The following PCDHA7 variants were observed in gnomAD, a reference collection of about 807,000 sequenced individuals.
The protein encoded by PCDHA7 is protocadherin alpha 7, also known as protocadherin alpha-7.
Under a neutral mutation model 57.2 loss-of-function variants are expected in PCDHA7, and 37 were observed. The ratio of observed to expected loss-of-function variants is 0.65; its 90% CI spans 0.50 to 0.85. The LOEUF (loss-of-function observed/expected upper bound fraction) is 0.85, where lower values mean the gene tolerates loss of function less well. Ranked by LOEUF, PCDHA7 falls within the 40% of genes least tolerant of loss-of-function variation. PCDHA7 has a pLI of 0.00. For synonymous variants in PCDHA7, 553 were observed against 558.8 expected, an observed-to-expected ratio of 0.99 and a Z score of 0.15; for missense variants, 1,188 against 1,241.8, an observed-to-expected ratio of 0.96 and a Z score of 0.65.
At position 140,850,397 on chromosome 5, in the gene PCDHA7, G is replaced by C. The variant is rs143469399; in HGVS notation, c.2355+13659G>C. ...TGTACACGGGCGAGATCAGCACAAC[G>C]CGTGCCCTGGACGAAACGGACGCAC... On this transcript the variant is annotated intron_variant, in intron 1 of 3. Transcript: ENST00000525929. 45 of 1,597,958 alleles carry C rather than the reference G, an allele frequency of 2.8e-5. 5 individuals are homozygous for C. In the African/African-American group the frequency reaches 5.4e-4, roughly 19 times the overall value.
At chr5:140,918,639 TGA>T (rs1554198713) in intron 1 of PCDHA7, among the ~76,000 whole-genome samples, 1 of 152,224 alleles carries the variant, frequency 6.6e-6, no homozygotes, top group East Asian at 1.9e-4. Context: ...ATTCATAAAT[TGA>T]AACCTAATTC....
intron 1 of PCDHA7, chr5:140,862,681 G>T: frequency 1.8e-6 from 1 of 551,660 alleles, no homozygotes. Context: ...GAACGTGCTG[G>T]TGTCCTACTC....
At chr5:140,954,591 G>A (rs951330274) in intron 1 of PCDHA7, among the ~76,000 whole-genome samples, 3 of 152,062 alleles carry the variant, frequency 2.0e-5, no homozygotes, top group Non-Finnish European at 2.9e-5. Context: ...GTCTGTTCAT[G>A]TTCTTTGCCC....
rs1776053531 is a variant in PCDHA7 at position 140,839,144 on chromosome 5, A to G, written c.2355+2406A>G. ...ATATGTCATTCACATAAGCAGACCAAGTTTGCTGCTCTTGTTGAAAGATAT... is the reference window on the plus strand; with the variant it reads ...ATATGTCATTCACATAAGCAGACCAGGTTTGCTGCTCTTGTTGAAAGATAT... On this transcript the variant is annotated intron_variant, in intron 1 of 3. Transcript: ENST00000525929. Among the ~76,000 whole-genome samples, 3 of 136,814 alleles carry G rather than the reference A, an allele frequency of 2.2e-5. No individual in the cohort carries two copies. The South Asian group carries it at 7.1e-4, about 33-fold the overall frequency. The allele number at this position is 136,814 out of a possible 152,430, so 89.8% of individuals were successfully genotyped here.
intron 1 of PCDHA7, chr5:140,926,516 G>C: frequency 5.0e-6 from 1 of 198,082 alleles, no homozygotes; most frequent in Non-Finnish European, 1.0e-5. Context: ...CCCAGGCTCC[G>C]CCCTGCGCCC....
intron 1 of PCDHA7, among the ~76,000 whole-genome samples, chr5:140,955,368 G>C (rs1554221882): frequency 6.6e-6 from 1 of 152,122 alleles, no homozygotes; most frequent in Admixed American, 6.5e-5. Flanking sequence ...CCCAGTGGGA[G>C]GTAATTGAAT....
intron 1 of PCDHA7, chr5:140,882,378 A>G: frequency 6.2e-7 from 1 of 1,614,186 alleles, no homozygotes; most frequent in Non-Finnish European, 8.5e-7. Flanking sequence ...TCCGTCCCCG[A>G]GGAAGCAAAA....
At position 140,849,929 on chromosome 5, in the gene PCDHA7, T is replaced by G. The variant is rs1450636702; in HGVS notation, c.2355+13191T>G. 8.1e-6 allele frequency: 13 copies of G among 1,598,096 alleles called. 1 individual carries two copies. The African/African-American group carries it at 1.2e-4, about 15-fold the overall frequency. On this transcript the variant is annotated intron_variant, in intron 1 of 3. Transcript: ENST00000525929. ...CGGGCTGCCACATCTTCACGGTGTC[T>G]GCGCGGGACGCTGACGCGCAGGAGA...
chr5:140,967,472 G>C (rs782183935), intron 1 of PCDHA7: 3 of 1,613,430 alleles, frequency 1.9e-6, no homozygotes, highest in Non-Finnish European at 2.5e-6. Flanking sequence ...GGGCATCCCA[G>C]CCCGCTCGGG....
intron 1 of PCDHA7, among the ~76,000 whole-genome samples, chr5:140,888,454 A>G (rs1167294283): frequency 6.6e-6 from 1 of 152,234 alleles, no homozygotes; most frequent in Non-Finnish European, 1.5e-5. Context: ...ATAAAGAATT[A>G]GCTCAAAATG....
chr5:140,952,334 A>G (rs1585456390), intron 1 of PCDHA7, among the ~76,000 whole-genome samples: 1 of 103,312 alleles, frequency 9.7e-6, no homozygotes, highest in East Asian at 2.9e-4. Context: ...GTGAAACTCC[A>G]TCTCAAAAAA....
At chr5:140,981,982 A>G (rs1026116713) in intron 2 of PCDHA7, among the ~76,000 whole-genome samples, 6 of 152,218 alleles carry the variant, frequency 3.9e-5, no homozygotes, top group Admixed American at 2.0e-4. Context: ...AAAGAGTAAA[A>G]TAGAAAATAA....
chr5:140,951,333 G>A (rs922078825), intron 1 of PCDHA7, among the ~76,000 whole-genome samples: 1 of 151,964 alleles, frequency 6.6e-6, no homozygotes, highest in African/African-American at 2.4e-5. Flanking sequence ...TCATCATTCT[G>A]TTTGTGTTAG....
chr5:140,883,937 G>C, intron 1 of PCDHA7: 3 of 1,613,414 alleles, frequency 1.9e-6, no homozygotes, highest in Non-Finnish European at 2.5e-6. Context: ...GTTCGTGCTG[G>C]ACGAGAACGA....
intron 1 of PCDHA7, chr5:140,968,774 C>T (rs2096269643): frequency 6.2e-7 from 1 of 1,614,088 alleles, no homozygotes. Flanking sequence ...AGAGCCATCA[C>T]TATCAGCCTC....
At chr5:140,883,466 A>G (rs782104317) in intron 1 of PCDHA7, 43 of 1,614,010 alleles carry the variant, frequency 2.7e-5, no homozygotes, top group Non-Finnish European at 3.5e-5. Context: ...GCTGGTGTCC[A>G]CCTACAAGAA....
intron 1 of PCDHA7, chr5:140,857,675 C>A: frequency 1.3e-6 from 2 of 1,597,044 alleles, no homozygotes; most frequent in Non-Finnish European, 1.7e-6. Context: ...GGGCGTGCCG[C>A]CTCTGGGCAG....
In PCDHA7 at chr5:140,856,507, A is replaced by C. The variant is rs527808702; in HGVS notation, c.2355+19769A>C. 4.2e-5 allele frequency: 67 copies of C among 1,598,478 alleles called. 5 individuals carry two copies. In the South Asian group the frequency reaches 7.1e-4, roughly 17 times the overall value. Reference sequence around the variant, plus strand: ...GACTGCTTGACTCTCGATTTCCACTAGAAGGCGCATCTGATGCGGATGTTG... The same window carrying C: ...GACTGCTTGACTCTCGATTTCCACTCGAAGGCGCATCTGATGCGGATGTTG... On this transcript the variant is annotated intron_variant, in intron 1 of 3. Coordinates refer to ENST00000525929, the MANE Select transcript of PCDHA7 (RefSeq NM_018910.3).
intron 1 of PCDHA7, chr5:140,884,015 C>T: frequency 6.2e-7 from 1 of 1,613,158 alleles, no homozygotes. Flanking sequence ...GCTGATGCCG[C>T]GGTCGGTGGG....
Sources: allele counts gnomAD v4.1 joint callset (sites outside exome capture counted in the v4.1 genomes callset), GRCh38; gene constraint gnomAD v4.1.1; transcripts MANE v1.5; gene names NCBI Gene and HGNC (gene_info 2026-07-23, HGNC 2026-07-21).